The following MTSS1 variants were observed in gnomAD, a reference collection of about 807,000 sequenced individuals.
The protein encoded by MTSS1 is MTSS I-BAR domain containing 1.
MTSS1 carries 18 observed loss-of-function variants against 79.0 expected under a neutral mutation model. The observed-to-expected ratio is 0.23, with a 90% CI of 0.16 to 0.34. MTSS1 has a LOEUF of 0.34. MTSS1 is among the 10% of genes least tolerant of loss of function. The pLI is 1.00. For missense variants in MTSS1, 815 were observed against 986.2 expected, an observed-to-expected ratio of 0.83 and a Z score of 2.33; for synonymous variants, 341 against 368.6, an observed-to-expected ratio of 0.93 and a Z score of 0.86.
chr8:124,570,558 T>A lies in MTSS1; in HGVS notation c.461-2022A>T, dbSNP rs568572264. On this transcript the variant is annotated intron_variant, in intron 6 of 13. Coordinates refer to ENST00000518547, the MANE Select transcript of MTSS1 (RefSeq NM_014751.6). ...TATGTATTAAACTTTACCATAGACA[T>A]GTATGCATGGGAAAAACCACAGTAT... 1.4e-4 allele frequency among the ~76,000 whole-genome samples: 21 copies of A among 152,332 alleles called. No individual in the cohort carries two copies. The South Asian group carries it at 3.3e-3, about 24-fold the overall frequency.
Position 124,727,023 on chromosome 8 carries a change from A to G in MTSS1, c.72+861T>C, listed in dbSNP as rs1833803352. 6.6e-6 allele frequency among the ~76,000 whole-genome samples: 1 copy of G among 152,132 alleles called. No homozygotes were observed. On this transcript the variant is annotated intron_variant, in intron 1 of 13. Coordinates refer to ENST00000518547, the MANE Select transcript of MTSS1 (RefSeq NM_014751.6). This position sits in a 1 kb window ranked among gnomAD's most constrained non-coding sequence, Gnocchi z 4.7. ...GGCACCAGAAAATCCACATCCGAGG[A>G]TCAGGTTATCCCCAGTCCCACCCTT...
At chr8:124,588,846 T>G (rs368292437) in intron 5 of MTSS1, among the ~76,000 whole-genome samples, 25 of 150,166 alleles carry the variant, frequency 1.7e-4, no homozygotes, top group African/African-American at 6.1e-4. Context: ...TCCCGAGTAG[T>G]TGGGATTACA....
chr8:124,572,861 C>CT (rs1828123285), intron 6 of MTSS1, among the ~76,000 whole-genome samples: 1 of 148,980 alleles, frequency 6.7e-6, no homozygotes. Context: ...ATTCTCTTGC[C>CT]TTAGCCACCC....
intron 3 of MTSS1, among the ~76,000 whole-genome samples, chr8:124,630,771 C>T (rs1010861019): frequency 6.6e-6 from 1 of 152,240 alleles, no homozygotes; most frequent in Admixed American, 6.5e-5. Flanking sequence ...AAATAAAGTA[C>T]TTAGCACAAA....
At chr8:124,555,562 T>C (rs1294103725) in intron 13 of MTSS1, among the ~76,000 whole-genome samples, 180 bp downstream of exon 13, 1 of 152,176 alleles carries the variant, frequency 6.6e-6, no homozygotes, top group Non-Finnish European at 1.5e-5. Context: ...CCCTTTCTTA[T>C]ATGGCAGCTA....
intron 6 of MTSS1, among the ~76,000 whole-genome samples, chr8:124,575,156 G>A (rs919331505): frequency 6.6e-6 from 1 of 152,156 alleles, no homozygotes; most frequent in African/African-American, 2.4e-5. Flanking sequence ...CCCAGCAAAA[G>A]GAGGCTATCC....
At chr8:124,599,552 G>A (rs1225889015) in intron 3 of MTSS1, among the ~76,000 whole-genome samples, 1 of 151,782 alleles carries the variant, frequency 6.6e-6, no homozygotes, top group African/African-American at 2.4e-5. Flanking sequence ...AAGTAAAGTG[G>A]AAATCTTTGG....
chr8:124,657,874 C>G (rs991750859), intron 3 of MTSS1, among the ~76,000 whole-genome samples: 3 of 152,126 alleles, frequency 2.0e-5, no homozygotes, highest in African/African-American at 7.2e-5. Context: ...GTGTCCTCCC[C>G]CAAAATTCTC....
chr8:124,560,213 T>A (rs1824984453), intron 10 of MTSS1, among the ~76,000 whole-genome samples: 1 of 152,040 alleles, frequency 6.6e-6, no homozygotes, highest in Non-Finnish European at 1.5e-5. Flanking sequence ...AAATTTGAGG[T>A]TTAGAGGGCT....
chr8:124,576,440 A>C (rs1828971297), intron 6 of MTSS1, among the ~76,000 whole-genome samples: 1 of 152,202 alleles, frequency 6.6e-6, no homozygotes, highest in African/African-American at 2.4e-5. Flanking sequence ...TGAATAGGAC[A>C]GCAGCTGCAG....
At chr8:124,667,172 T>C (rs961160010) in intron 3 of MTSS1, among the ~76,000 whole-genome samples, 4 of 152,124 alleles carry the variant, frequency 2.6e-5, no homozygotes, top group East Asian at 1.9e-4. Context: ...ATGACCCTCA[T>C]GGGGAGGCGC....
At position 124,727,170 on chromosome 8, in the gene MTSS1, C is replaced by T. The variant is rs746376317; in HGVS notation, c.72+714G>A. On this transcript the variant is annotated intron_variant, in intron 1 of 13. Transcript: ENST00000518547. The surrounding 1 kb of genome is among the most constrained non-coding windows in gnomAD (Gnocchi z 4.7). ...CAAGAGAAAACCTAGAGTGTGTGTC[C>T]GTTTGGGTCTGGGAGGGCAGGATAC... is the stretch of plus-strand genomic sequence containing the variant. 2.6e-5 allele frequency among the ~76,000 whole-genome samples: 4 copies of T among 152,116 alleles called. No individual in the cohort carries two copies. Among genetic ancestry groups the T allele is most frequent in the African/African-American group, 9.7e-5 (4 of 41,444 alleles).
intron 13 of MTSS1, among the ~76,000 whole-genome samples, chr8:124,555,079 C>T (rs1352733802): frequency 6.6e-6 from 1 of 152,220 alleles, no homozygotes. Flanking sequence ...TTCTGCAGCT[C>T]AAGCAATCTG....
intron 10 of MTSS1, 138 bp downstream of exon 10, chr8:124,562,644 A>G: frequency 2.4e-6 from 2 of 825,742 alleles, no homozygotes; most frequent in Admixed American, 2.6e-5. Context: ...ACATCTAAAG[A>G]TGAGAAATTA....
At chr8:124,669,722 C>T (rs375697571) in intron 3 of MTSS1, among the ~76,000 whole-genome samples, 39 of 152,240 alleles carry the variant, frequency 2.6e-4, no homozygotes, top group African/African-American at 9.2e-4. Context: ...AGATCATGTG[C>T]TAAAATCTGC....
intron 3 of MTSS1, among the ~76,000 whole-genome samples, chr8:124,623,036 C>T (rs997056284): frequency 1.3e-5 from 2 of 152,224 alleles, no homozygotes; most frequent in African/African-American, 2.4e-5. Flanking sequence ...GCCTTTCTCA[C>T]ACCTTCCAGG....
intron 1 of MTSS1, among the ~76,000 whole-genome samples, chr8:124,720,700 C>T (rs1832779597): frequency 6.6e-6 from 1 of 152,216 alleles, no homozygotes; most frequent in Admixed American, 6.5e-5. Flanking sequence ...GCTCTAAATA[C>T]AGCTCCATAA....
intron 3 of MTSS1, among the ~76,000 whole-genome samples, chr8:124,612,371 G>T (rs1278251918): frequency 1.3e-5 from 2 of 152,220 alleles, no homozygotes; most frequent in Non-Finnish European, 2.9e-5. Context: ...AACGGCATAG[G>T]CAGGGTAGTC....
rs1010488717 is a variant in MTSS1 at position 124,726,758 on chromosome 8, G to C, written c.72+1126C>G. 1.8e-4 allele frequency among the ~76,000 whole-genome samples: 28 copies of C among 152,272 alleles called. 1 individual carries two copies. Among genetic ancestry groups the C allele is most frequent in the Admixed American group, 1.4e-3 (22 of 15,302 alleles). Reference sequence around the variant, plus strand: ...GAAGAGGGGCTGTCCACACCCACTCGGTGCACAGCTTTCCAAACCTGCCCA... The same window carrying C: ...GAAGAGGGGCTGTCCACACCCACTCCGTGCACAGCTTTCCAAACCTGCCCA... On this transcript the variant is annotated intron_variant, in intron 1 of 13. Transcript: ENST00000518547.
Sources: allele counts gnomAD v4.1 joint callset (sites outside exome capture counted in the v4.1 genomes callset), GRCh38; gene constraint gnomAD v4.1.1; non-coding constraint Gnocchi (gnomAD v3.1); transcripts MANE v1.5; gene names NCBI Gene and HGNC (gene_info 2026-07-23, HGNC 2026-07-21).